The following RCBTB1 variants were observed in gnomAD, a reference collection of about 807,000 sequenced individuals.
The protein encoded by RCBTB1 is RCC1 and BTB domain-containing protein 1.
A neutral mutation model predicts 62.4 loss-of-function variants in RCBTB1; 46 were observed. That is an observed-to-expected ratio of 0.74 (90% CI 0.58 to 0.94). The LOEUF is 0.94. RCBTB1 is among the 40% of genes least tolerant of loss of function. The probability of loss-of-function intolerance (pLI) is 0.00; values close to 1 mark genes in which losing one functional copy is unlikely to be tolerated. For synonymous variants in RCBTB1, 222 were observed against 245.8 expected, an observed-to-expected ratio of 0.90 and a Z score of 0.91; for missense variants, 565 against 654.9, an observed-to-expected ratio of 0.86 and a Z score of 1.50.
intron 8 of RCBTB1, among the ~76,000 whole-genome samples, chr13:49,550,939 T>TA (rs1181473312): frequency 1.3e-5 from 2 of 151,968 alleles, no homozygotes; most frequent in Non-Finnish European, 2.9e-5. Context: ...CTGTCTCTAC[T>TA]AAAAAATACA....
At chr13:49,579,675 G>A (rs757010319) in intron 2 of RCBTB1, among the ~76,000 whole-genome samples, 1 of 151,528 alleles carries the variant, frequency 6.6e-6, no homozygotes, top group African/African-American at 2.4e-5. Context: ...CTGAATGCTT[G>A]ACTAAGGAGT....
chr13:49,542,705 CCTT>C (rs1373659810), intron 10 of RCBTB1, among the ~76,000 whole-genome samples: 6 of 151,238 alleles, frequency 4.0e-5, no homozygotes, highest in Admixed American at 3.3e-4. Flanking sequence ...AGCCATCACT[CCTT>C]TTTTTTTTTT....
chr13:49,581,046 G>A (rs1964065270), intron 1 of RCBTB1, among the ~76,000 whole-genome samples: 1 of 152,180 alleles, frequency 6.6e-6, no homozygotes, highest in African/African-American at 2.4e-5. Flanking sequence ...TCTGGTGGAG[G>A]AACTGAAAGA....
At chr13:49,535,050 T>G (rs1232651056) in intron 12 of RCBTB1, among the ~76,000 whole-genome samples, 7 of 152,068 alleles carry the variant, frequency 4.6e-5, no homozygotes, top group Admixed American at 4.6e-4. Flanking sequence ...CCCAAAAAAT[T>G]CACCTTAAAT....
At chr13:49,576,682 A>G (rs1413971663) in intron 2 of RCBTB1, among the ~76,000 whole-genome samples, 1 of 152,218 alleles carries the variant, frequency 6.6e-6, no homozygotes, top group African/African-American at 2.4e-5. Flanking sequence ...TTAGAATGTC[A>G]GTCATCTTTA....
chr13:49,540,045 A>G (rs1960228054), intron 12 of RCBTB1, among the ~76,000 whole-genome samples: 1 of 152,204 alleles, frequency 6.6e-6, no homozygotes, highest in Non-Finnish European at 1.5e-5. Flanking sequence ...TGCACAACTT[A>G]GCTAGATATT....
intron 6 of RCBTB1, among the ~76,000 whole-genome samples, 189 bp from the exon 7 acceptor site, chr13:49,552,474 C>T (rs1961459427): frequency 6.6e-6 from 1 of 152,086 alleles, no homozygotes; most frequent in Admixed American, 6.6e-5. Flanking sequence ...TCAGTTTCTA[C>T]TCCATGACTT....
intron 4 of RCBTB1, among the ~76,000 whole-genome samples, chr13:49,560,612 A>ATT (rs60783473): frequency 0.027 from 4,075 of 148,372 alleles, 136 homozygotes; most frequent in East Asian, 0.15. Flanking sequence ...ATCTGGCTGA[A>ATT]TTTTTTTTTT....
chr13:49,542,685 T>C (rs1960478954), intron 10 of RCBTB1, among the ~76,000 whole-genome samples: 2 of 152,080 alleles, frequency 1.3e-5, no homozygotes, highest in South Asian at 2.1e-4. Flanking sequence ...TTCTGACTTA[T>C]CGTCAAAACA....
intron 5 of RCBTB1, among the ~76,000 whole-genome samples, chr13:49,556,380 TG>T (rs1309283263): frequency 6.6e-6 from 1 of 151,686 alleles, no homozygotes; most frequent in African/African-American, 2.4e-5. Flanking sequence ...TTAGTAGAGA[TG>T]GGGTTTCACC....
intron 10 of RCBTB1, among the ~76,000 whole-genome samples, chr13:49,544,249 CACCTGAGATCGGGAGTTCGAGACCA>C (rs1960624998): frequency 6.6e-6 from 1 of 152,138 alleles, no homozygotes; most frequent in Non-Finnish European, 1.5e-5. Context: ...GCGGGCAGAT[CACCTGAGATCGGGAGTTCGAGACCA>C]ACCTGACCAA....
At position 49,566,883 on chromosome 13, in the gene RCBTB1, G is replaced by A. The variant is rs187394404; in HGVS notation, c.127-115C>T. ...CTACAGAGCTCAGGAGGTGAAAAGA[G>A]ACTGATATGGTTGTTAAGAAAAATT... On this transcript the variant is annotated intron_variant, in intron 3 of 12. Transcript: ENST00000378302. 3 of 1,009,242 alleles carry A rather than the reference G, an allele frequency of 3.0e-6. No individual in the cohort carries two copies. In the Admixed American group the frequency reaches 8.6e-5, roughly 29 times the overall value. The allele number at this position is 1,009,242 out of a possible 1,614,324, so 62.5% of individuals were successfully genotyped here. A position where few individuals can be genotyped will look rare whatever the true frequency, so the allele number is the denominator to read the frequency against.
chr13:49,585,070 AG>A (rs998963862), intron 1 of RCBTB1, among the ~76,000 whole-genome samples: 1 of 152,196 alleles, frequency 6.6e-6, no homozygotes, highest in Non-Finnish European at 1.5e-5. Flanking sequence ...GAGAGAGAAT[AG>A]GAAGAGTCGG....
At chr13:49,546,449 G>T in intron 9 of RCBTB1, 1 of 523,544 alleles carries the variant, frequency 1.9e-6, no homozygotes, top group Non-Finnish European at 2.5e-6. Context: ...TCCACGGACC[G>T]AGGCGGGGAG....
At chr13:49,545,510 C>G (rs566811137) in intron 9 of RCBTB1, among the ~76,000 whole-genome samples, 1 of 152,178 alleles carries the variant, frequency 6.6e-6, no homozygotes, top group Non-Finnish European at 1.5e-5. Flanking sequence ...ACAGGATCAC[C>G]TTACCTGATA....
chr13:49,574,671 G>C (rs1963648942), intron 2 of RCBTB1, among the ~76,000 whole-genome samples: 1 of 139,504 alleles, frequency 7.2e-6, no homozygotes, highest in Admixed American at 7.5e-5. Flanking sequence ...TAGAAAACCA[G>C]ATGGTGATTC....
intron 4 of RCBTB1, among the ~76,000 whole-genome samples, chr13:49,565,629 G>A (rs1346481940): frequency 1.2e-4 from 15 of 126,210 alleles, no homozygotes; most frequent in African/African-American, 5.1e-4. Flanking sequence ...GCCCAGCCCC[G>A]ACCCCGTCTG....
Position 49,534,118 on chromosome 13 carries a change from C to T in RCBTB1, c.*4G>A, listed in dbSNP as rs200902196. ...ACTCACACAGAACCCAGCAGCCTTG[C>T]GCTTCAGTTCTTAAAGGCTCCACAT... is the stretch of plus-strand genomic sequence containing the variant. On this transcript the variant is annotated 3_prime_UTR_variant, in exon 13 of 13. Coordinates refer to ENST00000378302, the MANE Select transcript of RCBTB1 (RefSeq NM_018191.4). 3.6e-4 allele frequency: 586 copies of T among 1,613,156 alleles called. 3 individuals are homozygous for T. In the African/African-American group the frequency reaches 6.8e-3, roughly 19 times the overall value.
At chr13:49,572,344 T>G (rs370304772) in intron 2 of RCBTB1, among the ~76,000 whole-genome samples, 144 of 143,668 alleles carry the variant, frequency 1.0e-3, no homozygotes, top group South Asian at 5.2e-3. Flanking sequence ...AAAAAAAAAA[T>G]GCAGGATCCA....
Sources: gnomAD v4.1 joint callset for allele counts (sites outside exome capture counted in the v4.1 genomes callset) on GRCh38, gnomAD v4.1.1 for gene constraint, MANE v1.5 for transcripts, NCBI Gene and HGNC (gene_info 2026-07-23, HGNC 2026-07-21) for gene names.